The following OR9Q1 variants were observed in gnomAD, a reference collection of about 807,000 sequenced individuals.
OR9Q1 encodes the protein olfactory receptor 9Q1.
For missense variants in OR9Q1, 374 were observed against 378.8 expected, an observed-to-expected ratio of 0.99 and a Z score of 0.11; for synonymous variants, 153 against 148.6, an observed-to-expected ratio of 1.03 and a Z score of -0.22.
In OR9Q1 at chr11:58,180,348, A is replaced by G; in HGVS notation, c.904A>G (p.Lys302Glu). The G allele has an allele frequency of 1.9e-6, 3 of 1,597,478 alleles. No homozygotes were observed. In the Admixed American group the frequency reaches 5.1e-5, roughly 27 times the overall value. ...CAAGGAAGTGAAGGAGGCCCTGAGA[A>G]AAATTCTCAATAGAGCCAAGTTGTC... ...RNKEVKEALR[K>E]ILNRAKLS Residue 302 changes from lysine to glutamate, a missense_variant, in exon 3 of 3, where the codon AAA (lysine) becomes GAA (glutamate). By Grantham distance (56) the Lys-to-Glu change is moderately conservative (BLOSUM62 1). Transcript: ENST00000335397.
chr11:58,038,797 C>T (rs1270108422), intron 1 of OR9Q1, among the ~76,000 whole-genome samples: 3 of 152,034 alleles, frequency 2.0e-5, no homozygotes, highest in African/African-American at 7.2e-5. Context: ...GTCCCTTGTA[C>T]CTGTGCTGGG....
intron 2 of OR9Q1, chr11:58,078,466 G>C (rs938684986): frequency 1.3e-5 from 2 of 152,166 alleles, no homozygotes; most frequent in African/African-American, 4.8e-5. Flanking sequence ...CATTCACTTG[G>C]GTCAGAATGA....
At chr11:58,098,952 A>G (rs968486419) in intron 2 of OR9Q1, among the ~76,000 whole-genome samples, 1 of 152,088 alleles carries the variant, frequency 6.6e-6, no homozygotes, top group Non-Finnish European at 1.5e-5. Flanking sequence ...TTATTCATCC[A>G]TGCATGAGTT....
intron 2 of OR9Q1, among the ~76,000 whole-genome samples, chr11:58,059,119 G>A (rs972723129): frequency 6.6e-6 from 1 of 152,068 alleles, no homozygotes; most frequent in African/African-American, 2.4e-5. Context: ...CAGGTCCTTC[G>A]AAAGCCTGTG....
At chr11:58,099,069 G>T (rs1853758901) in intron 2 of OR9Q1, among the ~76,000 whole-genome samples, 2 of 151,796 alleles carry the variant, frequency 1.3e-5, no homozygotes, top group South Asian at 4.1e-4. Context: ...AATCCTTTGT[G>T]ATTTATTAAA....
At chr11:58,073,199 CT>C (rs1356989853) in intron 2 of OR9Q1, 1 of 228,732 alleles carries the variant, frequency 4.4e-6, no homozygotes, top group African/African-American at 2.3e-5. Flanking sequence ...GGCATCCATG[CT>C]TGTATTTCCA....
At chr11:58,176,254 C>T (rs1370952973) in intron 2 of OR9Q1, among the ~76,000 whole-genome samples, 1 of 152,220 alleles carries the variant, frequency 6.6e-6, no homozygotes, top group Admixed American at 6.5e-5. Context: ...CATCTAACTC[C>T]TCAAAGGACC....
chr11:58,174,345 A>C (rs1428198829), intron 2 of OR9Q1, among the ~76,000 whole-genome samples: 1 of 152,146 alleles, frequency 6.6e-6, no homozygotes, highest in African/African-American at 2.4e-5. Context: ...AGCTTGGTCA[A>C]GTTAGCCGAG....
chr11:58,039,881 A>G (rs1042296543), intron 1 of OR9Q1, among the ~76,000 whole-genome samples: 6 of 152,224 alleles, frequency 3.9e-5, no homozygotes, highest in African/African-American at 1.4e-4. Flanking sequence ...AGGTTTTGCC[A>G]CTGGGTATGA....
intron 2 of OR9Q1, chr11:58,171,419 T>C (rs10750888): frequency 0.29 from 44,043 of 152,140 alleles, 6,791 homozygotes; most frequent in East Asian, 0.58. Flanking sequence ...CAGACTAGTT[T>C]TGATCCTGTT....
chr11:58,114,196 C>A (rs1853929307), intron 2 of OR9Q1, among the ~76,000 whole-genome samples: 1 of 152,136 alleles, frequency 6.6e-6, no homozygotes, highest in African/African-American at 2.4e-5. Context: ...CCTCCAGGTG[C>A]CCAGCTGTTT....
chr11:58,082,693 A>G (rs1317155333), intron 2 of OR9Q1, among the ~76,000 whole-genome samples: 1 of 145,398 alleles, frequency 6.9e-6, no homozygotes, highest in East Asian at 2.2e-4. Context: ...ACATGTATGC[A>G]TATGTAACTA....
At chr11:58,069,921 C>T (rs1424036438) in intron 2 of OR9Q1, among the ~76,000 whole-genome samples, 1 of 152,080 alleles carries the variant, frequency 6.6e-6, no homozygotes, top group Non-Finnish European at 1.5e-5. Flanking sequence ...AAACACCTCT[C>T]TCTCCAAACT....
chr11:58,132,034 T>C (rs1854146506), intron 2 of OR9Q1, among the ~76,000 whole-genome samples: 1 of 152,192 alleles, frequency 6.6e-6, no homozygotes. Flanking sequence ...CTGAGTGTTT[T>C]ATATGTATCA....
Position 58,113,420 on chromosome 11 carries a change from G to C in OR9Q1, c.-15+57473G>C, listed in dbSNP as rs539815546. ...TAACAAGTCCAGGATGGGACCATGGGGGTGGGAGGACTGCTGCAGGACAGC... is the reference window on the plus strand; with the variant it reads ...TAACAAGTCCAGGATGGGACCATGGCGGTGGGAGGACTGCTGCAGGACAGC... On this transcript the variant is annotated intron_variant, in intron 2 of 2. Coordinates refer to ENST00000335397, the MANE Select transcript of OR9Q1 (RefSeq NM_001005212.4). Among the ~76,000 whole-genome samples the C allele has an allele frequency of 5.5e-4, 84 of 152,162 alleles. 2 individuals are homozygous for C. In the South Asian group the frequency reaches 0.017, roughly 31 times the overall value.
intron 2 of OR9Q1, among the ~76,000 whole-genome samples, chr11:58,102,509 A>G (rs1487307055): frequency 6.7e-6 from 1 of 149,760 alleles, no homozygotes; most frequent in Non-Finnish European, 1.5e-5. Context: ...TTATTTCTCT[A>G]TCATTTCTGA....
intron 2 of OR9Q1, among the ~76,000 whole-genome samples, chr11:58,077,015 A>G (rs1322638512): frequency 6.6e-6 from 1 of 152,182 alleles, no homozygotes; most frequent in Non-Finnish European, 1.5e-5. Context: ...ATGGGAAGGG[A>G]AAAACAGTAG....
intron 2 of OR9Q1, chr11:58,171,236 A>G (rs1435197255): frequency 6.6e-6 from 1 of 152,232 alleles, no homozygotes. Flanking sequence ...TGCATATTGT[A>G]GAGGGTTTGA....
At chr11:58,152,452 A>G (rs1213394106) in intron 2 of OR9Q1, among the ~76,000 whole-genome samples, 1 of 152,124 alleles carries the variant, frequency 6.6e-6, no homozygotes, top group African/African-American at 2.4e-5. Flanking sequence ...CATGGCCAAT[A>G]TTTACTTGGA....
Sources: gnomAD v4.1 joint callset for allele counts (sites outside exome capture counted in the v4.1 genomes callset) on GRCh38, gnomAD v4.1.1 for gene constraint, MANE v1.5 for transcripts, NCBI Gene and HGNC (gene_info 2026-07-23, HGNC 2026-07-21) for gene names.